Variants in SLC38A12 observed in about 807,000 individuals in gnomAD.
SLC38A12 encodes the protein putative sodium-coupled neutral amino acid transporter 12.
the SLC38A12 span, among the ~76,000 whole-genome samples, chr17:74,810,495 T>C: frequency 6.6e-6 from 1 of 152,236 alleles, no homozygotes; most frequent in Non-Finnish European, 1.5e-5. Flanking sequence ...GGACGTGCAC[T>C]GAGGGAGGCA....
chr17:74,838,285 G>A, the SLC38A12 span: 1 of 985,866 alleles, frequency 1.0e-6, no homozygotes, highest in South Asian at 4.7e-5. Flanking sequence ...ATCTATCATT[G>A]CGACTTCCTC....
At chr17:74,829,829 TCTCTCCAGCCCCA>T in the SLC38A12 span, among the ~76,000 whole-genome samples, 1 of 150,738 alleles carries the variant, frequency 6.6e-6, no homozygotes, top group East Asian at 2.0e-4. The surrounding 1 kb of genome is among the most constrained non-coding windows in gnomAD (Gnocchi z 4.1). Context: ...GTCACCCAAC[TCTCTCCAGCCCCA>T]CACAGACCCC....
chr17:74,802,875 A>G, the SLC38A12 span, among the ~76,000 whole-genome samples: 1 of 152,126 alleles, frequency 6.6e-6, no homozygotes, highest in African/African-American at 2.4e-5. Flanking sequence ...GCAGCAAGCC[A>G]GGTTTACTCC....
the SLC38A12 span, among the ~76,000 whole-genome samples, chr17:74,805,472 A>T: frequency 6.6e-6 from 1 of 152,156 alleles, no homozygotes; most frequent in Non-Finnish European, 1.5e-5. The surrounding 1 kb of genome is among the most constrained non-coding windows in gnomAD (Gnocchi z 5.0). Flanking sequence ...TAGACCCCGC[A>T]GCGTGCCAGC....
At chr17:74,816,844 A>G in the SLC38A12 span, among the ~76,000 whole-genome samples, 1 of 152,074 alleles carries the variant, frequency 6.6e-6, no homozygotes, top group Non-Finnish European at 1.5e-5. Context: ...TTATAATGTC[A>G]TATGGGCTAG....
chr17:74,795,150 A>AGGG, the SLC38A12 span: 1 of 1,552,420 alleles, frequency 6.4e-7, no homozygotes. Context: ...CGGTAGCCAA[A>AGGG]GGGGCTTCCT....
the SLC38A12 span, among the ~76,000 whole-genome samples, chr17:74,826,251 G>A: frequency 1.3e-5 from 2 of 152,198 alleles, no homozygotes; most frequent in Non-Finnish European, 1.5e-5. Context: ...GATTTCTGAC[G>A]GAAGGCTTGA....
chr17:74,803,591 C>T, the SLC38A12 span, among the ~76,000 whole-genome samples: 1 of 152,182 alleles, frequency 6.6e-6, no homozygotes, highest in Non-Finnish European at 1.5e-5. Context: ...ACCCCGAGCC[C>T]GAGGCCTAAG....
the SLC38A12 span, among the ~76,000 whole-genome samples, chr17:74,823,657 G>C: frequency 6.6e-6 from 1 of 152,372 alleles, no homozygotes; most frequent in East Asian, 1.9e-4. Context: ...GGGGAAGGAA[G>C]GTCTTGGTGT....
chr17:74,820,238 C>T, the SLC38A12 span, among the ~76,000 whole-genome samples: 3 of 152,308 alleles, frequency 2.0e-5, no homozygotes, highest in East Asian at 1.9e-4. Flanking sequence ...ACGAGAGCGG[C>T]GCGGCTCTGC....
At chr17:74,777,153 G>A in the SLC38A12 span, 1 of 694,306 alleles carries the variant, frequency 1.4e-6, no homozygotes, top group Admixed American at 2.4e-5. Flanking sequence ...AGATACTGAG[G>A]CCCTAAGTGT....
the SLC38A12 span, chr17:74,777,274 A>G: frequency 1.2e-6 from 2 of 1,608,226 alleles, no homozygotes; most frequent in South Asian, 1.1e-5. Context: ...GAGCTGCGGC[A>G]GCCGCCGTCC....
chr17:74,822,238 G>A, the SLC38A12 span, among the ~76,000 whole-genome samples: 108 of 152,228 alleles, frequency 7.1e-4, no homozygotes, highest in Admixed American at 2.6e-3. Flanking sequence ...CCTGGAAGGC[G>A]TCTGGGGACA....
chr17:74,816,268 T>C, the SLC38A12 span, among the ~76,000 whole-genome samples: 1 of 152,192 alleles, frequency 6.6e-6, no homozygotes, highest in African/African-American at 2.4e-5. Flanking sequence ...CATCTGTGGT[T>C]TGAAGCCCCC....
the SLC38A12 span, among the ~76,000 whole-genome samples, chr17:74,803,546 C>T: frequency 6.6e-6 from 1 of 152,284 alleles, no homozygotes; most frequent in East Asian, 1.9e-4. Flanking sequence ...TTTTCAGGAC[C>T]GTTTCTTTGC....
chr17:74,837,472 G>T, the SLC38A12 span: 1 of 985,496 alleles, frequency 1.0e-6, no homozygotes, highest in South Asian at 4.7e-5. Context: ...AGCCCTCAGG[G>T]CCTCCTACAG....
chr17:74,816,004 CCCA>C, the SLC38A12 span, among the ~76,000 whole-genome samples: 1 of 152,214 alleles, frequency 6.6e-6, no homozygotes, highest in Non-Finnish European at 1.5e-5. Context: ...GGGTCCCTTC[CCCA>C]CATCTTCGAG....
At chr17:74,836,468 C>G in the SLC38A12 span, 1 of 1,609,556 alleles carries the variant, frequency 6.2e-7, no homozygotes. The surrounding 1 kb of genome is among the most constrained non-coding windows in gnomAD (Gnocchi z 4.2). Flanking sequence ...TGGTGGGCAT[C>G]ACAGGGGCCT....
chr17:74,835,213 C>T, the SLC38A12 span, among the ~76,000 whole-genome samples: 3 of 152,228 alleles, frequency 2.0e-5, no homozygotes, highest in Non-Finnish European at 4.4e-5. Flanking sequence ...AACAGAGCCA[C>T]ATGCCACCTG....
Sources: gnomAD v4.1 joint callset for allele counts (sites outside exome capture counted in the v4.1 genomes callset) on GRCh38, gnomAD v4.1.1 for gene constraint, Gnocchi (gnomAD v3.1) non-coding constraint, MANE v1.5 for transcripts, NCBI Gene and HGNC (gene_info 2026-07-23, HGNC 2026-07-21) for gene names.